The following SCAPER variants were observed in gnomAD, a reference collection of about 807,000 sequenced individuals.
SCAPER encodes the protein S-phase cyclin A associated protein in the ER.
SCAPER carries 98 observed loss-of-function variants against 182.2 expected under a neutral mutation model. The ratio of observed to expected loss-of-function variants is 0.54; its 90% CI spans 0.46 to 0.64. The LOEUF (loss-of-function observed/expected upper bound fraction) is 0.64, where lower values mean the gene tolerates loss of function less well. Ranked by LOEUF, SCAPER falls within the 30% of genes least tolerant of loss-of-function variation. SCAPER has a pLI of 0.00. For missense variants in SCAPER, 1,432 were observed against 1,690.0 expected, an observed-to-expected ratio of 0.85 and a Z score of 2.68; for synonymous variants, 605 against 564.6, an observed-to-expected ratio of 1.07 and a Z score of -1.01.
At chr15:76,839,126 G>C (rs906271524) in intron 5 of SCAPER, among the ~76,000 whole-genome samples, 9 of 152,180 alleles carry the variant, frequency 5.9e-5, no homozygotes, top group African/African-American at 2.2e-4. Context: ...ATCTTCTTTT[G>C]ATTACAAAGT....
chr15:76,600,387 ATGTGTGTG>A (rs60494575), intron 22 of SCAPER, among the ~76,000 whole-genome samples: 41,690 of 88,526 alleles, frequency 0.47, 13,929 homozygotes, highest in South Asian at 0.69. Flanking sequence ...GTGTGTGTAT[ATGTGTGTG>A]TGTGTGTGTG....
intron 17 of SCAPER, among the ~76,000 whole-genome samples, chr15:76,719,178 G>T (rs1428350435): frequency 2.0e-5 from 3 of 152,096 alleles, no homozygotes; most frequent in Non-Finnish European, 4.4e-5. Context: ...CAATGATAAA[G>T]AAACTGTAGT....
At chr15:76,460,558 AC>A (rs2049089277) in intron 25 of SCAPER, among the ~76,000 whole-genome samples, 1 of 152,118 alleles carries the variant, frequency 6.6e-6, no homozygotes, top group South Asian at 2.1e-4. Context: ...TATGTCTTTC[AC>A]TAAAATTGGA....
intron 4 of SCAPER, 37 bp from the exon 5 acceptor site, chr15:76,841,968 A>G (rs1367325728): frequency 5.8e-6 from 9 of 1,558,106 alleles, no homozygotes; most frequent in Non-Finnish European, 7.8e-6. Flanking sequence ...ATAAATAAAT[A>G]AAAGGGCTTC....
chr15:76,662,020 G>T (rs909236293), intron 21 of SCAPER, among the ~76,000 whole-genome samples: 6 of 152,060 alleles, frequency 3.9e-5, no homozygotes, highest in Non-Finnish European at 5.9e-5. Flanking sequence ...AATGAGATCA[G>T]GTCCTTTGCA....
chr15:76,571,247 C>T (rs562641726), intron 23 of SCAPER, among the ~76,000 whole-genome samples: 2 of 152,222 alleles, frequency 1.3e-5, no homozygotes, highest in Admixed American at 1.3e-4. Flanking sequence ...CTATTTGATG[C>T]TTTTAAGAAA....
chr15:76,528,111 A>T (rs575094682), intron 23 of SCAPER, among the ~76,000 whole-genome samples: 161 of 152,326 alleles, frequency 1.1e-3, no homozygotes, highest in African/African-American at 3.8e-3. Flanking sequence ...AAAATCAAGG[A>T]CTTTAGATAA....
intron 14 of SCAPER, among the ~76,000 whole-genome samples, chr15:76,763,783 C>A (rs1199489468): frequency 3.3e-5 from 5 of 152,088 alleles, no homozygotes; most frequent in African/African-American, 4.8e-5. Context: ...TCAGTGTATT[C>A]TTCACCTCTA....
chr15:76,759,485 C>G lies in SCAPER; in HGVS notation c.1725+5476G>C, dbSNP rs142190123. On this transcript the variant is annotated intron_variant, in intron 14 of 31. Coordinates refer to ENST00000563290, the MANE Select transcript of SCAPER (RefSeq NM_020843.4). ...CCACTTCCACAATAATGGTATCAAT[C>G]CATTCATAAGAGCAGAGGCAATATA... is the stretch of plus-strand genomic sequence containing the variant. 9.9e-4 allele frequency among the ~76,000 whole-genome samples: 151 copies of G among 152,214 alleles called. 1 individual carries two copies. The Middle Eastern group carries it at 0.017, about 17-fold the overall frequency.
intron 24 of SCAPER, chr15:76,472,405 C>A: frequency 3.0e-6 from 2 of 662,002 alleles, no homozygotes; most frequent in Non-Finnish European, 5.5e-6. Flanking sequence ...CTTCTGGTGA[C>A]TGTATAGTTT....
chr15:76,495,909 CT>C (rs1476475735), intron 24 of SCAPER, among the ~76,000 whole-genome samples: 4 of 151,508 alleles, frequency 2.6e-5, no homozygotes, highest in African/African-American at 7.3e-5. Flanking sequence ...AAAGCTTTAT[CT>C]TGTAGCTGTA....
intron 5 of SCAPER, among the ~76,000 whole-genome samples, chr15:76,817,664 C>T (rs2067194562): frequency 6.6e-6 from 1 of 152,048 alleles, no homozygotes; most frequent in Non-Finnish European, 1.5e-5. Flanking sequence ...TATGTCAAAA[C>T]ATGTTATAAA....
intron 5 of SCAPER, among the ~76,000 whole-genome samples, chr15:76,817,486 T>C (rs1021009233): frequency 1.3e-5 from 2 of 152,170 alleles, no homozygotes; most frequent in Non-Finnish European, 2.9e-5. Flanking sequence ...TGAACAGGTC[T>C]ACAAATCTAA....
rs765968672 is a variant in SCAPER at position 76,795,439 on chromosome 15, C to A, written c.613G>T (p.Gly205Cys). 41 of 1,558,764 alleles carry A rather than the reference C, an allele frequency of 2.6e-5. No individual in the cohort carries two copies. The highest frequency in any genetic ancestry group is 3.5e-5 in the Non-Finnish European group (40 of 1,156,348). ...SNARRSLNFG[G>C]STGTVPAPRL... Reference sequence around the variant, plus strand: ...GGAGCTGGCACTGTGCCAGTTGAACCTCTATGGAGAAAAATAAACACATTT... The same window carrying A: ...GGAGCTGGCACTGTGCCAGTTGAACATCTATGGAGAAAAATAAACACATTT... Residue 205 changes from glycine (G) to cysteine (C), a missense_variant and splice_region_variant, in exon 8 of 32, where the codon GGT becomes TGT. By Grantham distance (159) the Gly-to-Cys change is radical. Transcript: ENST00000563290.
chr15:76,894,664 A>C (rs2074332487), intron 1 of SCAPER, among the ~76,000 whole-genome samples: 1 of 152,162 alleles, frequency 6.6e-6, no homozygotes, highest in Non-Finnish European at 1.5e-5. Context: ...CTAGACTAAG[A>C]AAAAGAAGAC....
At position 76,650,062 on chromosome 15, in the gene SCAPER, G is replaced by C. The variant is rs1047082718; in HGVS notation, c.2645+15591C>G. On this transcript the variant is annotated intron_variant, in intron 21 of 31. Coordinates refer to ENST00000563290, the MANE Select transcript of SCAPER (RefSeq NM_020843.4). Reference sequence around the variant, plus strand: ...ACAGTAACACAAAAGGCAGAGGAAAGGAAGATGGACGCATAAATTGTTGCA... The same window carrying C: ...ACAGTAACACAAAAGGCAGAGGAAACGAAGATGGACGCATAAATTGTTGCA... Among the ~76,000 whole-genome samples the C allele has an allele frequency of 2.0e-5, 3 of 152,116 alleles. No homozygotes were observed. In the South Asian group the frequency reaches 6.2e-4, roughly 31 times the overall value.
intron 15 of SCAPER, among the ~76,000 whole-genome samples, chr15:76,734,396 CCACAGA>C (rs1371696534): frequency 6.6e-6 from 1 of 152,176 alleles, no homozygotes; most frequent in Non-Finnish European, 1.5e-5. Flanking sequence ...TCTTTGACAG[CCACAGA>C]CTACAGGAAT....
At chr15:76,826,756 C>A (rs1380035501) in intron 5 of SCAPER, among the ~76,000 whole-genome samples, 2 of 152,052 alleles carry the variant, frequency 1.3e-5, no homozygotes, top group South Asian at 2.1e-4. Context: ...ATACTTCACC[C>A]AAAACAGTGC....
chr15:76,422,071 G>GT (rs1219772092), intron 26 of SCAPER, among the ~76,000 whole-genome samples: 1 of 152,156 alleles, frequency 6.6e-6, no homozygotes, highest in Non-Finnish European at 1.5e-5. Flanking sequence ...CTCCAGCTTT[G>GT]TTCTTTTGGC....
Sources: gnomAD v4.1 joint callset for allele counts (sites outside exome capture counted in the v4.1 genomes callset) on GRCh38, gnomAD v4.1.1 for gene constraint, MANE v1.5 for transcripts, NCBI Gene and HGNC (gene_info 2026-07-23, HGNC 2026-07-21) for gene names.